The following DDX51 variants were observed in gnomAD, a reference collection of about 807,000 sequenced individuals.
The protein encoded by DDX51 is DEAD-box helicase 51.
In DDX51, 67 loss-of-function variants were observed where a neutral mutation model predicts 74.6. That is an observed-to-expected ratio of 0.90 (90% CI 0.74 to 1.10). DDX51 has a LOEUF of 1.10. DDX51 is among the 50% of genes least tolerant of loss of function. DDX51 has a pLI of 0.00. For synonymous variants in DDX51, 545 were observed against 402.9 expected, an observed-to-expected ratio of 1.35 and a Z score of -4.22; for missense variants, 1,056 against 905.2, an observed-to-expected ratio of 1.17 and a Z score of -2.14.
In DDX51 at chr12:132,141,910, A is replaced by C; in HGVS notation, c.935T>G (p.Val312Gly). Residue 312 changes from valine (V) to glycine (G), a missense_variant, in exon 6 of 15, where the codon GTC becomes GGC. Physicochemically the swap from Val to Gly is moderately radical, Grantham distance 109. Coordinates refer to ENST00000397333, the MANE Select transcript of DDX51 (RefSeq NM_175066.4). ...NIYTDATPLR[V>G]SLVTGQKSLA... ...AGACTTCTGTCCCGTAACCAGGGAG[A>C]CTCTCAGAGGTGTGGCATCTGTGTA... is the stretch of plus-strand genomic sequence containing the variant. 6.2e-7 allele frequency: 1 copy of C among 1,613,066 alleles called. No individual in the cohort carries two copies. The highest frequency in any genetic ancestry group is 1.1e-5 in the South Asian group (1 of 91,078).
chr12:132,142,581 G>A (rs546810362), intron 3 of DDX51, 147 bp downstream of exon 3: 5 of 1,462,114 alleles, frequency 3.4e-6, no homozygotes, highest in Non-Finnish European at 3.6e-6. Context: ...AGCCTCAGGA[G>A]ACCCAAGTGG....
In DDX51 at chr12:132,143,713, C is replaced by G; in HGVS notation, c.501G>C (p.Gly167=). The G allele has an allele frequency of 6.5e-7, 1 of 1,540,576 alleles. No homozygotes were observed. The change falls in exon 2 of 15, where the codon GGG becomes GGC. Residue 167 remains glycine, a synonymous_variant. Coordinates refer to ENST00000397333, the MANE Select transcript of DDX51 (RefSeq NM_175066.4). ...LVPGLVLGGF[G]KRKAPKVQPF... The stretch of plus-strand genomic sequence containing the variant: ...GGCTCACCTTCGGCGCCTTCCTCTT[C>G]CCGAACCCCCCCAGCACCAGGCCGG...
chr12:132,141,905 G>C lies in DDX51; in HGVS notation c.940C>G (p.Leu314Val), dbSNP rs749140549. The C allele has an allele frequency of 3.1e-6, 5 of 1,613,120 alleles. No individual in the cohort carries two copies. Among genetic ancestry groups the C allele is most frequent in the South Asian group, 1.1e-5 (1 of 91,092 alleles). ...YTDATPLRVSLVTGQKSLAKE... is the reference protein window; with the variant it reads ...YTDATPLRVSVVTGQKSLAKE... ...GCCAGAGACTTCTGTCCCGTAACCA[G>C]GGAGACTCTCAGAGGTGTGGCATCT... The change falls in exon 6 of 15, where the codon CTG becomes GTG. Residue 314 changes from leucine to valine, a missense_variant. Physicochemically the swap from Leu to Val is conservative, Grantham distance 32. Transcript: ENST00000397333.
chr12:132,140,698 A>C lies in DDX51; in HGVS notation c.1478T>G (p.Leu493Arg). 1.2e-6 allele frequency: 2 copies of C among 1,613,102 alleles called. No homozygotes were observed. Among genetic ancestry groups the C allele is most frequent in the Admixed American group, 1.7e-5 (1 of 60,024 alleles). ...CTCCAGGACCAGGTGCAGGACGACC[A>C]GCGGCTTAGAGCTGAGGCTGCAGGG... The part of the protein sequence containing the change: ...YVPCSLSSKP[L>R]VVLHLVLEMG... The change falls in exon 10 of 15, where the codon CTG becomes CGG. Residue 493 changes from leucine to arginine, a missense_variant. Transcript: ENST00000397333.
At chr12:132,142,988 C>G in intron 2 of DDX51, 110 bp from the exon 3 acceptor site, 2 of 1,457,178 alleles carry the variant, frequency 1.4e-6, no homozygotes, top group Non-Finnish European at 1.9e-6. Flanking sequence ...CTGTCGTCTT[C>G]AGCTCCTTCT....
Position 132,139,275 on chromosome 12 carries a change from G to T in DDX51, c.1998C>A (p.Ala666=), listed in dbSNP as rs1897357634. 3.1e-6 allele frequency: 5 copies of T among 1,608,638 alleles called. No individual in the cohort carries two copies. Among genetic ancestry groups the T allele is most frequent in the Non-Finnish European group, 4.2e-6 (5 of 1,178,866 alleles). ...CTCCGGCCCTCTGAGCCCCAGCCTAGGCCGCCCTCTGCTTGCGCTCTTCCT... is the reference window on the plus strand; with the variant it reads ...CTCCGGCCCTCTGAGCCCCAGCCTATGCCGCCCTCTGCTTGCGCTCTTCCT... ...SVKEERKQRA[A] Residue 666 remains alanine, a synonymous_variant, in exon 15 of 15, where the codon GCC becomes GCA. Coordinates refer to ENST00000397333, the MANE Select transcript of DDX51 (RefSeq NM_175066.4).
intron 6 of DDX51, 22 bp from the exon 7 acceptor site, chr12:132,141,628 G>A (rs751592606): frequency 1.0e-5 from 16 of 1,550,530 alleles, no homozygotes; most frequent in African/African-American, 4.1e-5. Context: ...AGAGCAGCTC[G>A]AGAGAAGGAA....
Position 132,139,852 on chromosome 12 carries a change from C to T in DDX51, c.1839+9G>A. 1 of 1,613,160 alleles carries T rather than the reference C, an allele frequency of 6.2e-7. No homozygotes were observed. Among genetic ancestry groups the T allele is most frequent in the Non-Finnish European group, 8.5e-7 (1 of 1,179,960 alleles). ...ACAGCAGAAACTCCCAAGACCCTCG[C>T]AGCCTCACCTGCACTTTCAGGAGCA... On this transcript the variant is annotated intron_variant, in intron 13 of 14. Coordinates refer to ENST00000397333, the MANE Select transcript of DDX51 (RefSeq NM_175066.4).
chr12:132,142,328 A>G lies in DDX51; in HGVS notation c.765T>C (p.Ser255=), dbSNP rs1215350013. 1.9e-6 allele frequency: 3 copies of G among 1,613,054 alleles called. No individual in the cohort carries two copies. In the African/African-American group the frequency reaches 4.0e-5, roughly 22 times the overall value. The change falls in exon 4 of 15, where the codon TCT becomes TCC. Residue 255 remains serine (S), a synonymous_variant. Transcript: ENST00000397333. ...GTGTCTTCCCACTGCCTGTTGGGGC[A>G]GAAACACAGAGGTCGCTAGGCCGGT... ...GGYRPSDLCV[S]APTGSGKTLA...
chr12:132,138,994 G>C lies in DDX51; in HGVS notation c.*278C>G. The stretch of plus-strand genomic sequence containing the variant: ...AAAAGCATGACGGGTGCCCGCGTCC[G>C]TCTGGGAGTACTTTTCACCGTTTTA... On this transcript the variant is annotated 3_prime_UTR_variant, in exon 15 of 15. Coordinates refer to ENST00000397333, the MANE Select transcript of DDX51 (RefSeq NM_175066.4). 2.0e-6 allele frequency: 1 copy of C among 492,328 alleles called. No individual in the cohort carries two copies. The highest frequency in any genetic ancestry group is 3.6e-6 in the Non-Finnish European group (1 of 276,674). The allele number at this position is 492,328 out of a possible 1,614,324, so 30.5% of individuals were successfully genotyped here. A position where few individuals can be genotyped will look rare whatever the true frequency, so the allele number is the denominator to read the frequency against.
rs932224108 is a variant in DDX51 at position 132,137,841 on chromosome 12, C to G, written c.*1431G>C. The G allele has an allele frequency of 6.6e-6, 1 of 152,198 alleles. No individual in the cohort carries two copies. The highest frequency in any genetic ancestry group is 2.4e-5 in the African/African-American group (1 of 41,392). 9.4% of individuals were successfully genotyped at this position (152,198 alleles called of 1,614,324 possible). A position where few individuals can be genotyped will look rare whatever the true frequency, so the allele number is the denominator to read the frequency against. ...CAACCTAAGAACATTTTCATCATCC[C>G]CAAAACAAACCCACACACTGGCCAC... is the stretch of plus-strand genomic sequence containing the variant. On this transcript the variant is annotated 3_prime_UTR_variant, in exon 15 of 15. Transcript: ENST00000397333.
rs1211601516 is a variant in DDX51, at chr12:132,143,666, C to A, written c.519+29G>T. 5.2e-6 allele frequency: 8 copies of A among 1,535,724 alleles called. No homozygotes were observed. The African/African-American group carries it at 8.3e-5, about 16-fold the overall frequency. ...ATCCGCGCAGCCTACCCTCTCACGC[C>A]GACCACCCTCCCGCCCGCCGAGGCT... On this transcript the variant is annotated intron_variant, in intron 2 of 14. Transcript: ENST00000397333.
intron 6 of DDX51, 118 bp from the exon 7 acceptor site, chr12:132,141,724 G>T: frequency 6.9e-7 from 1 of 1,445,868 alleles, no homozygotes. Flanking sequence ...GCCGGTGGGA[G>T]CTCCTCCTCT....
intron 5 of DDX51, 72 bp downstream of exon 5, chr12:132,142,047 G>A: frequency 1.9e-6 from 3 of 1,598,178 alleles, no homozygotes; most frequent in East Asian, 2.2e-5. Context: ...GTCCCCCAGG[G>A]GCTGATCGCT....
rs993494246 is a variant in DDX51, at chr12:132,136,594, T to A, written c.*2678A>T. The A allele has an allele frequency of 1.3e-5, 2 of 153,834 alleles. No individual in the cohort carries two copies. Among genetic ancestry groups the A allele is most frequent in the Admixed American group, 6.5e-5 (1 of 15,306 alleles). The allele number at this position is 153,834 out of a possible 1,614,324, so 9.5% of individuals were successfully genotyped here. Reference sequence around the variant, plus strand: ...GACAGACACACACACACACAGTGAGTTTGGAGCAGAAGTTTAATAAGCAAA... The same window carrying A: ...GACAGACACACACACACACAGTGAGATTGGAGCAGAAGTTTAATAAGCAAA... On this transcript the variant is annotated 3_prime_UTR_variant, in exon 15 of 15. Transcript: ENST00000397333.
At position 132,143,910 on chromosome 12, in the gene DDX51, C is replaced by T. The variant is rs1328842944; in HGVS notation, c.305-1G>A. 2.0e-6 allele frequency: 3 copies of T among 1,516,352 alleles called. No individual in the cohort carries two copies. Among genetic ancestry groups the T allele is most frequent in the Non-Finnish European group, 2.6e-6 (3 of 1,139,744 alleles). 93.9% of individuals were successfully genotyped at this position (1,516,352 alleles called of 1,614,324 possible). ...TCCCCTGGCGCCTCCTCGTTGCTTT[C>T]TGCGAGGCAGACACCCACCCGGCAG... On this transcript the variant is annotated splice_acceptor_variant, in intron 1 of 14. Transcript: ENST00000397333. LOFTEE classifies it high-confidence loss of function.
chr12:132,140,789 G>C (rs970982165), intron 9 of DDX51, 42 bp downstream of exon 9: 2 of 1,613,172 alleles, frequency 1.2e-6, no homozygotes, highest in Non-Finnish European at 1.7e-6. Context: ...AGGGGCCCCA[G>C]GTTCCCAGTG....
Position 132,140,011 on chromosome 12 carries a change from C to A in DDX51, c.1775+87G>T, listed in dbSNP as rs1897384340. 5 of 1,606,914 alleles carry A rather than the reference C, an allele frequency of 3.1e-6. No homozygotes were observed. In the Admixed American group the frequency reaches 6.7e-5, roughly 22 times the overall value. On this transcript the variant is annotated intron_variant, in intron 12 of 14. Coordinates refer to ENST00000397333, the MANE Select transcript of DDX51 (RefSeq NM_175066.4). ...ACAGCTTCTCTCCACACCAACCCCACCCCACGCCAGTCAAGACGGTCCCAC... is the reference window on the plus strand; with the variant it reads ...ACAGCTTCTCTCCACACCAACCCCAACCCACGCCAGTCAAGACGGTCCCAC...
chr12:132,143,097 C>G (rs1897540687), intron 2 of DDX51: 1 of 587,270 alleles, frequency 1.7e-6, no homozygotes, highest in African/African-American at 1.9e-5. Context: ...CCCATCAACC[C>G]ACAGTGGCAC....
Sources: gnomAD v4.1 joint callset for allele counts on GRCh38, gnomAD v4.1.1 for gene constraint, MANE v1.5 for transcripts, NCBI Gene and HGNC (gene_info 2026-07-23, HGNC 2026-07-21) for gene names.